The following RPA1 variants were observed in gnomAD, a reference collection of about 807,000 sequenced individuals.
The protein encoded by RPA1 is replication protein A 70 kDa DNA-binding subunit.
Under a neutral mutation model 83.0 loss-of-function variants are expected in RPA1, and 49 were observed. The ratio of observed to expected loss-of-function variants is 0.59; its 90% CI spans 0.47 to 0.75. RPA1 has a LOEUF of 0.75. Ranked by LOEUF, RPA1 falls within the 30% of genes least tolerant of loss-of-function variation. RPA1 has a pLI of 0.00. For synonymous variants in RPA1, 279 were observed against 281.8 expected (o/e 0.99, Z 0.10); for missense variants, 693 against 776.1 (o/e 0.89, Z 1.27).
chr17:1,868,423 G>A (rs1049918751), intron 5 of RPA1, among the ~76,000 whole-genome samples: 2 of 152,190 alleles, frequency 1.3e-5, no homozygotes, highest in Non-Finnish European at 2.9e-5. Flanking sequence ...CATGTGAGGT[G>A]ACCAGTACAA....
At chr17:1,849,152 G>A (rs540021660) in intron 4 of RPA1, among the ~76,000 whole-genome samples, 1 of 152,282 alleles carries the variant, frequency 6.6e-6, no homozygotes, top group South Asian at 2.1e-4. Flanking sequence ...GCGCGTGAGT[G>A]TGGAGTTTCT....
intron 1 of RPA1, among the ~76,000 whole-genome samples, chr17:1,839,485 C>T (rs1276248339): frequency 6.6e-6 from 1 of 151,998 alleles, no homozygotes; most frequent in East Asian, 1.9e-4. Flanking sequence ...GCCACCACAC[C>T]CAGCCAATTT....
chr17:1,864,603 T>C (rs1913111937), intron 5 of RPA1, among the ~76,000 whole-genome samples: 1 of 152,068 alleles, frequency 6.6e-6, no homozygotes. Context: ...AACTAACTTT[T>C]ACTATTAGTA....
At chr17:1,877,135 G>A in intron 7 of RPA1, 77 bp from the exon 8 acceptor site, 1 of 1,347,170 alleles carries the variant, frequency 7.4e-7, no homozygotes, top group South Asian at 1.2e-5. Context: ...GACGAGAAAG[G>A]CTGTAGGAAG....
chr17:1,856,697 AT>A (rs1385181156), intron 5 of RPA1, among the ~76,000 whole-genome samples: 1 of 150,274 alleles, frequency 6.7e-6, no homozygotes, highest in Non-Finnish European at 1.5e-5. Flanking sequence ...TTTTTATTTA[AT>A]TTTTTATATT....
chr17:1,862,797 CT>C (rs908514125), intron 5 of RPA1, among the ~76,000 whole-genome samples: 7 of 144,602 alleles, frequency 4.8e-5, no homozygotes, highest in Middle Eastern at 7.7e-3. Context: ...TCTCCGCTCA[CT>C]GCAACCTCCC....
At position 1,830,145 on chromosome 17, in the gene RPA1, C is replaced by G. The variant is rs538721812; in HGVS notation, c.33+19C>G. 2 of 1,236,604 alleles carry G rather than the reference C, an allele frequency of 1.6e-6. No individual in the cohort carries two copies. The highest frequency in any genetic ancestry group is 4.1e-5 in the South Asian group (1 of 24,298). 76.6% of individuals were successfully genotyped at this position (1,236,604 alleles called of 1,614,324 possible). A position where few individuals can be genotyped will look rare whatever the true frequency, so the allele number is the denominator to read the frequency against. On this transcript the variant is annotated intron_variant, in intron 1 of 16. Coordinates refer to ENST00000254719, the MANE Select transcript of RPA1 (RefSeq NM_002945.5). ...CATTGCGGTGAGGAGGTGCCGGGGG[C>G]TGGGCCGGCGGTCCGGGGTGGCTGC...
chr17:1,888,904 G>A (rs1054128819), intron 14 of RPA1, 53 bp downstream of exon 14: 14 of 1,565,654 alleles, frequency 8.9e-6, no homozygotes, highest in African/African-American at 4.0e-5. Flanking sequence ...AGGCCCTCCC[G>A]TGTGCCAGGC....
chr17:1,879,438 G>T (rs1295315950), intron 10 of RPA1, 31 bp downstream of exon 10: 1 of 1,612,082 alleles, frequency 6.2e-7, no homozygotes, highest in Non-Finnish European at 8.5e-7. Flanking sequence ...GAAGAGCAGG[G>T]ATGACTAGCT....
intron 1 of RPA1, among the ~76,000 whole-genome samples, chr17:1,831,158 G>T (rs893292046): frequency 2.6e-5 from 4 of 152,082 alleles, no homozygotes; most frequent in Non-Finnish European, 5.9e-5. Flanking sequence ...ACAAACTTCC[G>T]TCATCTGTCT....
Position 1,899,638 on chromosome 17 carries a change from A to G in RPA1, c.*2463A>G, listed in dbSNP as rs1463068318. ...TTTCCTGAGTGGGCTGTCTTCAAAAAGTATAAATACTATTGATCGTGGTAT... is the reference window on the plus strand; with the variant it reads ...TTTCCTGAGTGGGCTGTCTTCAAAAGGTATAAATACTATTGATCGTGGTAT... On this transcript the variant is annotated 3_prime_UTR_variant, in exon 17 of 17. Coordinates refer to ENST00000254719, the MANE Select transcript of RPA1 (RefSeq NM_002945.5). 1 of 152,214 alleles carries G rather than the reference A, an allele frequency of 6.6e-6. No homozygotes were observed. The highest frequency in any genetic ancestry group is 1.5e-5 in the Non-Finnish European group (1 of 68,044). 9.4% of individuals were successfully genotyped at this position (152,214 alleles called of 1,614,324 possible). A position where few individuals can be genotyped will look rare whatever the true frequency, so the allele number is the denominator to read the frequency against.
rs556447200 is a variant in RPA1 at position 1,842,818 on chromosome 17, G to C, written c.49G>C (p.Gly17Arg). 1 of 1,614,078 alleles carries C rather than the reference G, an allele frequency of 6.2e-7. No homozygotes were observed. The highest frequency in any genetic ancestry group is 2.2e-5 in the East Asian group (1 of 44,876). The change falls in exon 2 of 17, where the codon GGG becomes CGG. Residue 17 changes from glycine (G) to arginine (R), a missense_variant. Transcript: ENST00000254719. ...ACTCCCTCAGGCCATCATGCAGAAGGGGGATACAAACATAAAGCCCATCCT... is the reference window on the plus strand; with the variant it reads ...ACTCCCTCAGGCCATCATGCAGAAGCGGGATACAAACATAAAGCCCATCCT... ...EGAIAAIMQK[G>R]DTNIKPILQV...
Position 1,835,400 on chromosome 17 carries a change from C to T in RPA1, c.33+5274C>T, listed in dbSNP as rs534070522. Among the ~76,000 whole-genome samples, 4 of 152,024 alleles carry T rather than the reference C, an allele frequency of 2.6e-5. No individual in the cohort carries two copies. The South Asian group carries it at 6.2e-4, about 24-fold the overall frequency. ...TCTAACTCTTGGTCTCCAAACAGTT[C>T]TCCTGCCTTGCCTCCCAAGTCTTTG... is the stretch of plus-strand genomic sequence containing the variant. On this transcript the variant is annotated intron_variant, in intron 1 of 16. Coordinates refer to ENST00000254719, the MANE Select transcript of RPA1 (RefSeq NM_002945.5).
intron 16 of RPA1, 66 bp downstream of exon 16, chr17:1,895,161 C>A: frequency 7.8e-7 from 1 of 1,276,378 alleles, no homozygotes; most frequent in Non-Finnish European, 1.1e-6. Flanking sequence ...ACGGCAGTGT[C>A]GTGACACTCC....
At chr17:1,849,991 G>A (rs1453261592) in intron 4 of RPA1, among the ~76,000 whole-genome samples, 1 of 151,788 alleles carries the variant, frequency 6.6e-6, no homozygotes, top group Non-Finnish European at 1.5e-5. Context: ...GGCCAACATG[G>A]TGAAACCCTG....
rs766438119 is a variant in RPA1 at position 1,879,631 on chromosome 17, G to T, written c.1024G>T (p.Ala342Ser). Residue 342 changes from alanine (A) to serine (S), a missense_variant, in exon 11 of 17, where the codon GCC becomes TCC. Ala to Ser is a moderately conservative substitution (Grantham distance 99, BLOSUM62 1). Transcript: ENST00000254719. ...ITVRSNNREV[A>S]KRNIYLMDTS... ...AGTGAGGTCTAACAACAGAGAAGTT[G>T]CCAAGAGGAATATCTACTTGATGGA... The T allele has an allele frequency of 6.2e-7, 1 of 1,614,118 alleles. No individual in the cohort carries two copies. Among genetic ancestry groups the T allele is most frequent in the Non-Finnish European group, 8.5e-7 (1 of 1,180,044 alleles).
intron 11 of RPA1, among the ~76,000 whole-genome samples, chr17:1,880,155 G>A (rs17292140): frequency 0.012 from 1,781 of 150,606 alleles, 38 homozygotes; most frequent in African/African-American, 0.041. Context: ...CGGAGGGGGC[G>A]TCTTGTCCTA....
At chr17:1,857,520 C>G (rs927818550) in intron 5 of RPA1, among the ~76,000 whole-genome samples, 1 of 151,506 alleles carries the variant, frequency 6.6e-6, no homozygotes, top group African/African-American at 2.4e-5. Context: ...AGACTAATTC[C>G]CCTCCACCCC....
chr17:1,837,917 C>T (rs1911883494), intron 1 of RPA1, among the ~76,000 whole-genome samples: 1 of 151,932 alleles, frequency 6.6e-6, no homozygotes, highest in Non-Finnish European at 1.5e-5. Context: ...TTTAAATTTT[C>T]ATGAAGTCCA....
Sources: allele counts gnomAD v4.1 joint callset (sites outside exome capture counted in the v4.1 genomes callset), GRCh38; gene constraint gnomAD v4.1.1; transcripts MANE v1.5; gene names NCBI Gene and HGNC (gene_info 2026-07-23, HGNC 2026-07-21).